SRRM4: variants seen among roughly 807,000 people sequenced by gnomAD.
The protein encoded by SRRM4 is serine/arginine repetitive matrix protein 4.
Under a neutral mutation model 68.9 loss-of-function variants are expected in SRRM4, and 33 were observed. The observed-to-expected ratio is 0.48, with a 90% CI of 0.36 to 0.64. The LOEUF is 0.64. SRRM4 is among the 30% of genes least tolerant of loss of function. SRRM4 has a pLI of 0.00. For missense variants in SRRM4, 817 were observed against 827.1 expected (o/e 0.99, Z 0.15); for synonymous variants, 318 against 318.8 (o/e 1.00, Z 0.03).
At chr12:119,100,084 A>G (rs1301061220) in intron 1 of SRRM4, among the ~76,000 whole-genome samples, 2 of 152,158 alleles carry the variant, frequency 1.3e-5, no homozygotes, top group East Asian at 1.9e-4. Flanking sequence ...GAATCCTTCA[A>G]GTCTCCACTC....
intron 2 of SRRM4, among the ~76,000 whole-genome samples, chr12:119,113,680 C>T (rs1954158752): frequency 6.6e-6 from 1 of 152,086 alleles, no homozygotes; most frequent in Admixed American, 6.5e-5. Flanking sequence ...TGGAGCCTGC[C>T]CCAATTATAA....
intron 1 of SRRM4, among the ~76,000 whole-genome samples, chr12:119,071,611 A>G (rs1200399770): frequency 1.3e-5 from 2 of 152,180 alleles, no homozygotes; most frequent in African/African-American, 2.4e-5. Flanking sequence ...ATTAAGACAC[A>G]AGACACTTTG....
At chr12:119,117,733 G>A (rs1317664845) in intron 4 of SRRM4, among the ~76,000 whole-genome samples, 2 of 152,132 alleles carry the variant, frequency 1.3e-5, no homozygotes, top group African/African-American at 4.8e-5. Flanking sequence ...CCAACATGGT[G>A]AAACCCAGTC....
At chr12:119,093,391 C>T (rs1374458486) in intron 1 of SRRM4, among the ~76,000 whole-genome samples, 1 of 152,166 alleles carries the variant, frequency 6.6e-6, no homozygotes, top group African/African-American at 2.4e-5. Flanking sequence ...ACCAAGGATC[C>T]TCCTTTCCTG....
At chr12:118,995,939 T>C (rs1462223837) in intron 1 of SRRM4, among the ~76,000 whole-genome samples, 2 of 152,172 alleles carry the variant, frequency 1.3e-5, no homozygotes, top group Non-Finnish European at 2.9e-5. Flanking sequence ...CACCCATCCA[T>C]CTATTTTCCA....
intron 1 of SRRM4, among the ~76,000 whole-genome samples, chr12:119,095,196 G>A (rs1035315853): frequency 6.6e-6 from 1 of 152,196 alleles, no homozygotes; most frequent in Non-Finnish European, 1.5e-5. Flanking sequence ...TATTAACACA[G>A]CCCAGACTGA....
Position 119,105,506 on chromosome 12 carries a change from G to T in SRRM4, c.278+3124G>T, listed in dbSNP as rs994238553. ...GTTGTTTCCTGACTTCTTAATGATC[G>T]CCATTCTAACTGGTGTGAGATGGTA... On this transcript the variant is annotated intron_variant, in intron 2 of 12. Transcript: ENST00000267260. 2.0e-5 allele frequency among the ~76,000 whole-genome samples: 3 copies of T among 152,096 alleles called. No individual in the cohort carries two copies. In the South Asian group the frequency reaches 6.2e-4, roughly 32 times the overall value.
chr12:119,062,550 T>A (rs1400193944), intron 1 of SRRM4, among the ~76,000 whole-genome samples: 1 of 152,236 alleles, frequency 6.6e-6, no homozygotes, highest in Non-Finnish European at 1.5e-5. Flanking sequence ...CTTATTCTAC[T>A]AGCTTTTTTG....
intron 1 of SRRM4, among the ~76,000 whole-genome samples, chr12:119,051,716 G>GT (rs1429658168): frequency 2.0e-5 from 3 of 152,074 alleles, no homozygotes; most frequent in African/African-American, 7.3e-5. Context: ...AACAAAGTCT[G>GT]GTTTTTTTTG....
At chr12:119,095,611 T>C (rs1954039397) in intron 1 of SRRM4, among the ~76,000 whole-genome samples, 1 of 152,066 alleles carries the variant, frequency 6.6e-6, no homozygotes, top group Non-Finnish European at 1.5e-5. Context: ...AGGCAATAAA[T>C]GTCAGCGATG....
intron 4 of SRRM4, among the ~76,000 whole-genome samples, chr12:119,119,506 G>C (rs925946774): frequency 2.0e-5 from 3 of 151,586 alleles, no homozygotes; most frequent in African/African-American, 7.3e-5. Context: ...ATGTTACAAG[G>C]AGAAGACGGC....
intron 8 of SRRM4, 79 bp from the exon 9 acceptor site, chr12:119,145,302 G>A (rs1954394063): frequency 1.0e-5 from 13 of 1,240,916 alleles, no homozygotes; most frequent in South Asian, 5.9e-5. Context: ...GCATCATGAC[G>A]GTAAACATTT....
At chr12:119,011,575 A>G (rs971050618) in intron 1 of SRRM4, among the ~76,000 whole-genome samples, 3 of 152,246 alleles carry the variant, frequency 2.0e-5, no homozygotes. Flanking sequence ...TGAAAACCTC[A>G]GGACCATTAA....
At chr12:119,130,598 C>T (rs1460606917) in intron 7 of SRRM4, 80 bp from the exon 8 acceptor site, 16 of 1,393,184 alleles carry the variant, frequency 1.1e-5, no homozygotes, top group Middle Eastern at 4.6e-4. Context: ...TTATCATCCT[C>T]AGATCCTGTT....
intron 1 of SRRM4, among the ~76,000 whole-genome samples, chr12:119,007,475 A>T (rs1390189776): frequency 1.3e-5 from 2 of 151,690 alleles, no homozygotes; most frequent in African/African-American, 4.8e-5. Flanking sequence ...TGTTTTTTTT[A>T]TTCCAGACTT....
rs186243483 is a variant in SRRM4, at chr12:119,065,592, C to T, written c.132-36644C>T. Among the ~76,000 whole-genome samples, 138 of 151,952 alleles carry T rather than the reference C, an allele frequency of 9.1e-4. 1 individual carries two copies. The highest frequency in any genetic ancestry group is 3.3e-3 in the African/African-American group (135 of 41,442). ...TCTACTAAAAATACAAAAATTAGCCCGGCGTGGTGGCAAGTGCCTGTAGTC... is the reference window on the plus strand; with the variant it reads ...TCTACTAAAAATACAAAAATTAGCCTGGCGTGGTGGCAAGTGCCTGTAGTC... On this transcript the variant is annotated intron_variant, in intron 1 of 12. Transcript: ENST00000267260.
chr12:119,045,100 T>TATC (rs1953697028), intron 1 of SRRM4, among the ~76,000 whole-genome samples: 1 of 152,200 alleles, frequency 6.6e-6, no homozygotes, highest in Non-Finnish European at 1.5e-5. Context: ...TCATTGTTAG[T>TATC]GTCATCGCTG....
intron 4 of SRRM4, among the ~76,000 whole-genome samples, chr12:119,118,644 G>C (rs183225609): frequency 6.6e-6 from 1 of 152,312 alleles, no homozygotes; most frequent in East Asian, 1.9e-4. Context: ...AGAGGCAATG[G>C]CCCACACTTA....
At chr12:119,093,001 C>T (rs1954023126) in intron 1 of SRRM4, among the ~76,000 whole-genome samples, 1 of 152,200 alleles carries the variant, frequency 6.6e-6, no homozygotes, top group African/African-American at 2.4e-5. Context: ...TGGCTCCACT[C>T]TGCCTGTTAT....
Sources: allele counts gnomAD v4.1 joint callset (sites outside exome capture counted in the v4.1 genomes callset), GRCh38; gene constraint gnomAD v4.1.1; transcripts MANE v1.5; gene names NCBI Gene and HGNC (gene_info 2026-07-23, HGNC 2026-07-21).